The following DST variants were observed in gnomAD, a reference collection of about 807,000 sequenced individuals.
DST encodes dystonin.
A neutral mutation model predicts 875.2 loss-of-function variants in DST; 253 were observed. That is an observed-to-expected ratio of 0.29 (90% CI 0.26 to 0.32). The LOEUF (loss-of-function observed/expected upper bound fraction) is 0.32. DST is among the 10% of genes least tolerant of loss of function. The probability of loss-of-function intolerance (pLI) is 1.00; values close to 1 mark genes in which losing one functional copy is unlikely to be tolerated. For synonymous variants in DST, 3,124 were observed against 3,197.1 expected (o/e 0.98, Z 0.77); for missense variants, 8,287 against 9,111.6 (o/e 0.91, Z 3.68).
intron 4 of DST, among the ~76,000 whole-genome samples, chr6:56,831,254 A>T (rs971071883): frequency 2.6e-5 from 4 of 152,214 alleles, no homozygotes; most frequent in African/African-American, 9.6e-5. Context: ...TGTATGATAA[A>T]GCAGAGTTCT....
At chr6:56,623,853 A>T (rs574591171) in intron 36 of DST, among the ~76,000 whole-genome samples, 2 of 152,194 alleles carry the variant, frequency 1.3e-5, no homozygotes, top group Non-Finnish European at 2.9e-5. Context: ...TACTCTTCCT[A>T]TATGATTTTT....
chr6:56,780,331 C>A (rs1324222345), intron 4 of DST, among the ~76,000 whole-genome samples: 7 of 151,982 alleles, frequency 4.6e-5, no homozygotes, highest in Non-Finnish European at 1.0e-4. Flanking sequence ...AACTAGTTTA[C>A]AGTCCCACCA....
intron 36 of DST, chr6:56,616,726 G>T (rs1413324412): frequency 6.2e-7 from 1 of 1,614,102 alleles, no homozygotes; most frequent in African/African-American, 1.3e-5. Flanking sequence ...TGGCAATCTG[G>T]GCTTCCAAGA....
chr6:56,585,510 A>G (rs1303558863), intron 49 of DST, among the ~76,000 whole-genome samples: 15 of 151,784 alleles, frequency 9.9e-5, no homozygotes, highest in Admixed American at 2.6e-4. Context: ...TCTTGCTAGC[A>G]GTCTATCAAT....
chr6:56,716,899 C>T (rs554139769), intron 5 of DST, among the ~76,000 whole-genome samples: 28 of 152,148 alleles, frequency 1.8e-4, no homozygotes, highest in African/African-American at 4.1e-4. Flanking sequence ...AGCATGCAAC[C>T]GACCGGGTGC....
At chr6:56,529,374 G>A (rs2096857316) in intron 66 of DST, 74 bp downstream of exon 66, 5 of 1,182,498 alleles carry the variant, frequency 4.2e-6, no homozygotes, top group Middle Eastern at 2.6e-4. Context: ...ACATAAAATT[G>A]TACAGAAATA....
At chr6:56,735,830 C>T (rs908871495) in intron 4 of DST, among the ~76,000 whole-genome samples, 1 of 152,074 alleles carries the variant, frequency 6.6e-6, no homozygotes. Flanking sequence ...AATTATTCTG[C>T]TTAATTAATA....
At chr6:56,871,083 A>C (rs1776869976) in intron 3 of DST, 4 of 514,840 alleles carry the variant, frequency 7.8e-6, no homozygotes, top group Non-Finnish European at 1.0e-5. Context: ...GACATTTTGC[A>C]GAAGAGAAAA....
chr6:56,892,322 CTT>C lies in DST; in HGVS notation c.417+8097_417+8098del, dbSNP rs1167025436. Among the ~76,000 whole-genome samples, 305 of 133,886 alleles carry C rather than the reference CTT, an allele frequency of 2.3e-3. 2 individuals carry two copies. Among genetic ancestry groups the C allele is most frequent in the Middle Eastern group, 0.015 (4 of 264 alleles). The allele number at this position is 133,886 out of a possible 152,430, so 87.8% of individuals were successfully genotyped here. On this transcript the variant is annotated intron_variant, in intron 3 of 103. Coordinates refer to ENST00000680361, the MANE Select transcript of DST (RefSeq NM_001374736.1). ...TCTGCTACCCAGCCAATTCCTATCC[CTT>C]TTTTTTTTTTTTTTTTTCAGACAGT...
In DST at chr6:56,636,269, AACAC is replaced by A. The variant is rs10551196; in HGVS notation, c.3060+284_3060+287del. The stretch of plus-strand genomic sequence containing the variant: ...ATATATATATATACACACACACACA[AACAC>A]ACACACACACACACATATACATATA... On this transcript the variant is annotated intron_variant, in intron 23 of 103. Transcript: ENST00000680361. 7.3e-3 allele frequency among the ~76,000 whole-genome samples: 1,063 copies of A among 146,612 alleles called. 15 individuals are homozygous for A. The highest frequency in any genetic ancestry group is 0.023 in the African/African-American group (921 of 39,870).
chr6:56,528,208 C>T lies in DST; in HGVS notation c.17681-474G>A, dbSNP rs530507081. ...TTTTTGACACACAGAAAAACTGTGT[C>T]CTGGGCTTCAGACTTCTAACTAAAG... On this transcript the variant is annotated intron_variant, in intron 67 of 103. Coordinates refer to ENST00000680361, the MANE Select transcript of DST (RefSeq NM_001374736.1). Among the ~76,000 whole-genome samples the T allele has an allele frequency of 1.5e-3, 235 of 152,230 alleles. 7 individuals carry two copies. In the South Asian group the frequency reaches 0.047, roughly 30 times the overall value.
intron 4 of DST, among the ~76,000 whole-genome samples, chr6:56,838,774 C>A (rs978504086): frequency 1.3e-5 from 2 of 152,156 alleles, no homozygotes; most frequent in African/African-American, 2.4e-5. Context: ...ACAATTTAAT[C>A]GTAATTATTT....
intron 4 of DST, among the ~76,000 whole-genome samples, chr6:56,786,746 C>T (rs1474014384): frequency 1.3e-5 from 2 of 152,156 alleles, no homozygotes; most frequent in African/African-American, 4.8e-5. Flanking sequence ...TGGTCTCGAA[C>T]TCCTGACCTC....
At chr6:56,616,050 G>C in intron 36 of DST, 3 of 1,614,190 alleles carry the variant, frequency 1.9e-6, no homozygotes, top group Non-Finnish European at 2.5e-6. Context: ...GCAGTAATCC[G>C]ATCAACCAAA....
intron 55 of DST, among the ~76,000 whole-genome samples, chr6:56,564,549 C>G (rs747802038): frequency 1.1e-4 from 16 of 152,090 alleles, no homozygotes; most frequent in Non-Finnish European, 2.1e-4. Context: ...CTCTTCCTGT[C>G]TGAATATCCT....
chr6:56,806,579 T>C (rs2099753201), intron 4 of DST, among the ~76,000 whole-genome samples: 1 of 152,302 alleles, frequency 6.6e-6, no homozygotes, highest in East Asian at 1.9e-4. Flanking sequence ...CGTGTGGCAG[T>C]GTTCATCAGC....
At chr6:56,657,136 G>T (rs1186720659) in intron 10 of DST, among the ~76,000 whole-genome samples, 1 of 151,904 alleles carries the variant, frequency 6.6e-6, no homozygotes, top group Non-Finnish European at 1.5e-5. Flanking sequence ...TTCTTTTCAA[G>T]ATTATAAGCA....
intron 2 of DST, among the ~76,000 whole-genome samples, chr6:56,937,584 A>C (rs1329085116): frequency 3.9e-5 from 6 of 152,202 alleles, no homozygotes; most frequent in Admixed American, 2.6e-4. Flanking sequence ...CAGCCATTTA[A>C]AAAAACAACT....
chr6:56,477,616 A>G, intron 90 of DST, 128 bp from the exon 91 acceptor site: 1 of 1,185,914 alleles, frequency 8.4e-7, no homozygotes, highest in East Asian at 2.4e-5. Context: ...CACAGTGAAA[A>G]TCATCTACTA....
Sources: allele counts gnomAD v4.1 joint callset (sites outside exome capture counted in the v4.1 genomes callset), GRCh38; gene constraint gnomAD v4.1.1; transcripts MANE v1.5; gene names NCBI Gene and HGNC (gene_info 2026-07-23, HGNC 2026-07-21).